The following GPC5 variants were observed in gnomAD, a reference collection of about 807,000 sequenced individuals.
GPC5 encodes the protein glypican-5.
A neutral mutation model predicts 53.9 loss-of-function variants in GPC5; 47 were observed. That is an observed-to-expected ratio of 0.87 (90% CI 0.69 to 1.11). The LOEUF is 1.11. Among genes scored for constraint, GPC5 ranks in the 50% most tolerant of loss-of-function variants. The probability of loss-of-function intolerance (pLI) is 0.00; values close to 1 mark genes in which losing one functional copy is unlikely to be tolerated. For missense variants in GPC5, 748 were observed against 713.1 expected, an observed-to-expected ratio of 1.05 and a Z score of -0.56; for synonymous variants, 286 against 263.3, an observed-to-expected ratio of 1.09 and a Z score of -0.84.
At chr13:92,586,719 C>T (rs1214730050) in intron 7 of GPC5, among the ~76,000 whole-genome samples, 1 of 152,074 alleles carries the variant, frequency 6.6e-6, no homozygotes, top group African/African-American at 2.4e-5. Context: ...CCTGCCCTGC[C>T]CCTAAAGATC....
chr13:91,706,369 T>C (rs1390918774), intron 3 of GPC5, among the ~76,000 whole-genome samples: 2 of 152,248 alleles, frequency 1.3e-5, no homozygotes, highest in African/African-American at 4.8e-5. Context: ...ATCTGAAAAG[T>C]GTCAATCATC....
At chr13:91,822,823 C>T (rs1320994720) in intron 5 of GPC5, among the ~76,000 whole-genome samples, 1 of 152,138 alleles carries the variant, frequency 6.6e-6, no homozygotes, top group Non-Finnish European at 1.5e-5. Context: ...TGTTCCTGCA[C>T]TCTATCAATA....
At position 92,182,028 on chromosome 13, in the gene GPC5, A is replaced by G. The variant is rs150444160; in HGVS notation, c.1561+37039A>G. ...TGAGAGTATTGAGAGCTGGGTTGGGAAACTAGAACTTTTCCTTCAATAAAA... is the reference window on the plus strand; with the variant it reads ...TGAGAGTATTGAGAGCTGGGTTGGGGAACTAGAACTTTTCCTTCAATAAAA... On this transcript the variant is annotated intron_variant, in intron 7 of 7. Transcript: ENST00000377067. Among the ~76,000 whole-genome samples the G allele has an allele frequency of 5.9e-3, 902 of 152,342 alleles. 10 individuals are homozygous for G. Among genetic ancestry groups the G allele is most frequent in the African/African-American group, 0.021 (876 of 41,570 alleles).
chr13:92,126,919 A>C (rs956347092), intron 6 of GPC5, among the ~76,000 whole-genome samples: 1 of 152,134 alleles, frequency 6.6e-6, no homozygotes, highest in African/African-American at 2.4e-5. Context: ...AGTCGTGCTT[A>C]GATGGCTCTG....
intron 7 of GPC5, among the ~76,000 whole-genome samples, chr13:92,457,174 A>C (rs1878301596): frequency 6.6e-6 from 1 of 151,978 alleles, no homozygotes; most frequent in African/African-American, 2.4e-5. Context: ...AAAGGAGATG[A>C]TTTTGTTCTT....
intron 6 of GPC5, among the ~76,000 whole-genome samples, chr13:92,072,364 T>A (rs1382746064): frequency 6.6e-6 from 1 of 151,320 alleles, no homozygotes; most frequent in Non-Finnish European, 1.5e-5. Flanking sequence ...CCTGCTAGGT[T>A]CAAGGGATTC....
intron 5 of GPC5, among the ~76,000 whole-genome samples, chr13:91,769,665 A>C (rs2037586746): frequency 6.6e-6 from 1 of 152,128 alleles, no homozygotes; most frequent in Non-Finnish European, 1.5e-5. Flanking sequence ...CTGGAATGAG[A>C]CTGTAGCTTG....
At chr13:91,943,421 G>A (rs2039946430) in intron 6 of GPC5, among the ~76,000 whole-genome samples, 1 of 152,046 alleles carries the variant, frequency 6.6e-6, no homozygotes, top group African/African-American at 2.4e-5. Flanking sequence ...GGTTATGGAA[G>A]AGACGTTTTT....
intron 7 of GPC5, among the ~76,000 whole-genome samples, chr13:92,453,013 CACT>C (rs1396795435): frequency 6.6e-6 from 1 of 152,192 alleles, no homozygotes; most frequent in African/African-American, 2.4e-5. Flanking sequence ...CCCTATGCCG[CACT>C]ACTACGCAGT....
At chr13:92,113,329 AAAGGGAAAAT>A (rs2041573173) in intron 6 of GPC5, among the ~76,000 whole-genome samples, 1 of 152,140 alleles carries the variant, frequency 6.6e-6, no homozygotes, top group African/African-American at 2.4e-5. Context: ...ATTTGTATTC[AAAGGGAAAAT>A]AAGTGTCTAC....
intron 6 of GPC5, among the ~76,000 whole-genome samples, chr13:91,929,113 A>G (rs1305299135): frequency 2.0e-5 from 3 of 152,106 alleles, no homozygotes; most frequent in Non-Finnish European, 4.4e-5. Flanking sequence ...ACTGGGTGGC[A>G]TGTACTATTA....
Position 92,399,171 on chromosome 13 carries a change from C to T in GPC5, c.1561+254182C>T, listed in dbSNP as rs78796444. Among the ~76,000 whole-genome samples, 372 of 152,268 alleles carry T rather than the reference C, an allele frequency of 2.4e-3. 1 individual carries two copies. The highest frequency in any genetic ancestry group is 8.2e-3 in the African/African-American group (339 of 41,544). On this transcript the variant is annotated intron_variant, in intron 7 of 7. Transcript: ENST00000377067. The stretch of plus-strand genomic sequence containing the variant: ...TTCACAAACTTTTATTGATTTCACA[C>T]GCTATCTATGTGTGCTGAGTGTACT...
intron 7 of GPC5, among the ~76,000 whole-genome samples, chr13:92,767,389 C>T (rs947872787): frequency 2.6e-5 from 4 of 152,130 alleles, no homozygotes; most frequent in East Asian, 3.9e-4. Context: ...GAGAATCACT[C>T]GAACCTGGGA....
At chr13:92,046,260 C>T (rs1041168654) in intron 6 of GPC5, among the ~76,000 whole-genome samples, 6 of 152,026 alleles carry the variant, frequency 3.9e-5, no homozygotes, top group Non-Finnish European at 7.3e-5. Context: ...TTTCTTTATA[C>T]CATTGTGTTC....
chr13:92,272,637 A>G (rs1443471419), intron 7 of GPC5, among the ~76,000 whole-genome samples: 2 of 152,034 alleles, frequency 1.3e-5, no homozygotes, highest in African/African-American at 4.8e-5. Context: ...GAAAAGTTCA[A>G]CCCGGGCCTG....
chr13:92,727,501 C>T (rs535882947), intron 7 of GPC5, among the ~76,000 whole-genome samples: 2 of 151,540 alleles, frequency 1.3e-5, no homozygotes, highest in African/African-American at 4.8e-5. Context: ...TGCTTTCCAA[C>T]TGATTTCTGC....
At chr13:92,469,958 A>T (rs1036000426) in intron 7 of GPC5, among the ~76,000 whole-genome samples, 7 of 152,164 alleles carry the variant, frequency 4.6e-5, no homozygotes, top group African/African-American at 1.7e-4. Flanking sequence ...TGAAAATGGT[A>T]TTAATAGTTA....
chr13:92,836,783 C>T (rs1334708335), intron 7 of GPC5, among the ~76,000 whole-genome samples: 1 of 151,904 alleles, frequency 6.6e-6, no homozygotes, highest in African/African-American at 2.4e-5. Context: ...CACCTGGATG[C>T]TCAAATGAAA....
At chr13:91,736,105 G>A (rs1594500029) in intron 4 of GPC5, among the ~76,000 whole-genome samples, 1 of 151,104 alleles carries the variant, frequency 6.6e-6, no homozygotes, top group Admixed American at 6.6e-5. Flanking sequence ...ATATAGCAGA[G>A]TATTTATATT....
Sources: gnomAD v4.1 joint callset for allele counts (sites outside exome capture counted in the v4.1 genomes callset) on GRCh38, gnomAD v4.1.1 for gene constraint, MANE v1.5 for transcripts, NCBI Gene and HGNC (gene_info 2026-07-23, HGNC 2026-07-21) for gene names.